The following DVL1 variants were observed in gnomAD, a reference collection of about 807,000 sequenced individuals.
DVL1 encodes the protein segment polarity protein dishevelled homolog DVL-1.
DVL1 carries 49 observed loss-of-function variants against 65.0 expected under a neutral mutation model. That is an observed-to-expected ratio of 0.75 (90% CI 0.60 to 0.96). The LOEUF (loss-of-function observed/expected upper bound fraction) is 0.96. Ranked by LOEUF, DVL1 falls within the 40% of genes least tolerant of loss-of-function variation. The pLI is 0.00. For missense variants in DVL1, 1,197 were observed against 1,045.4 expected, an observed-to-expected ratio of 1.15 and a Z score of -2.00; for synonymous variants, 608 against 433.9, an observed-to-expected ratio of 1.40 and a Z score of -4.99.
chr1:1,336,884 TC>T (rs1643596536), intron 14 of DVL1: 7 of 629,682 alleles, frequency 1.1e-5, no homozygotes, highest in Non-Finnish European at 1.4e-5. Context: ...GGCCCCACTG[TC>T]CCCCCGGCCC....
chr1:1,340,493 A>G lies in DVL1; in HGVS notation c.616T>C (p.Ser206Pro), dbSNP rs750824624. The G allele has an allele frequency of 6.2e-7, 1 of 1,604,978 alleles. No homozygotes were observed. The highest frequency in any genetic ancestry group is 8.5e-7 in the Non-Finnish European group (1 of 1,176,168). Residue 206 changes from serine to proline, a missense_variant, in exon 6 of 15, where the codon TCC becomes CCC. Physicochemically the swap from Ser to Pro is moderately conservative, Grantham distance 74. Coordinates refer to ENST00000378888, the MANE Select transcript of DVL1 (RefSeq NM_001330311.2). ...EDGSTSRLSS[S>P]TEQSTSSRLI... ...CTGGATGAGGTGCTCTGCTCCGTGG[A>G]GCTGCTGAGCCTGGGAACAGACTGT... is the stretch of plus-strand genomic sequence containing the variant.
At chr1:1,337,036 G>T (rs910194860) in intron 14 of DVL1, 4 of 988,838 alleles carry the variant, frequency 4.0e-6, no homozygotes, top group Middle Eastern at 5.1e-4. Context: ...GGTCCGCTCC[G>T]CTAGTCCTTC....
At position 1,346,105 on chromosome 1, in the gene DVL1, C is replaced by T. The variant is rs141960941; in HGVS notation, c.170+2791G>A. The stretch of plus-strand genomic sequence containing the variant: ...CACAGAGAGGCTGAGTCACAGACCC[C>T]AAGTGGCACAGCCAGGGAGGGCGGA... On this transcript the variant is annotated intron_variant, in intron 1 of 14. Coordinates refer to ENST00000378888, the MANE Select transcript of DVL1 (RefSeq NM_001330311.2). Among the ~76,000 whole-genome samples, 15 of 152,288 alleles carry T rather than the reference C, an allele frequency of 9.8e-5. No individual in the cohort carries two copies. In the East Asian group the frequency reaches 2.9e-3, roughly 29 times the overall value.
At chr1:1,339,231 G>A (rs962115022) in intron 11 of DVL1, 56 bp downstream of exon 11, 163 of 1,545,208 alleles carry the variant, frequency 1.1e-4, no homozygotes, top group Non-Finnish European at 1.4e-4. Context: ...GAGGCTGGCA[G>A]AGACGCCCCC....
At chr1:1,337,935 G>A (rs1170884519) in intron 14 of DVL1, 42 bp downstream of exon 14, 2 of 1,533,010 alleles carry the variant, frequency 1.3e-6, no homozygotes, top group Non-Finnish European at 1.8e-6. Flanking sequence ...GGCGGAGCTG[G>A]GGGCGGAGCC....
chr1:1,342,098 C>A lies in DVL1; in HGVS notation c.421G>T (p.Val141Phe). ...MDNETGTESM[V>F]SHRRERARRR... ...CGGGCACGCTCCCGCCGGTGACTGA[C>A]CATGGACTCCGTGCCTGTCTCGTTG... Residue 141 changes from valine to phenylalanine, a missense_variant, in exon 4 of 15, where the codon GTC (valine) becomes TTC (phenylalanine). Coordinates refer to ENST00000378888, the MANE Select transcript of DVL1 (RefSeq NM_001330311.2). 1 of 1,595,748 alleles carries A rather than the reference C, an allele frequency of 6.3e-7. No individual in the cohort carries two copies. Among genetic ancestry groups the A allele is most frequent in the Non-Finnish European group, 8.5e-7 (1 of 1,172,482 alleles).
intron 11 of DVL1, 55 bp from the exon 12 acceptor site, chr1:1,338,708 A>G (rs1201349871): frequency 6.3e-7 from 1 of 1,576,398 alleles, no homozygotes; most frequent in African/African-American, 1.3e-5. Flanking sequence ...CGGGGGACTC[A>G]GGGCCCTGCA....
intron 10 of DVL1, 50 bp from the exon 11 acceptor site, chr1:1,339,489 G>C (rs1161467752): frequency 2.6e-6 from 4 of 1,526,100 alleles, no homozygotes; most frequent in Non-Finnish European, 3.5e-6. Context: ...GACAGGGTGG[G>C]AGGGCAGGGT....
At chr1:1,339,128 G>A (rs1175598618) in intron 11 of DVL1, among the ~76,000 whole-genome samples, 159 bp downstream of exon 11, 3 of 152,238 alleles carry the variant, frequency 2.0e-5, no homozygotes, top group African/African-American at 7.2e-5. Flanking sequence ...CACAAGGTGG[G>A]CACGGGTGCC....
At chr1:1,341,010 G>A (rs966266791) in intron 5 of DVL1, among the ~76,000 whole-genome samples, 1 of 118,292 alleles carries the variant, frequency 8.5e-6, no homozygotes, top group African/African-American at 3.5e-5. Flanking sequence ...ACCTGCACAC[G>A]CACCCCTGCA....
At position 1,340,084 on chromosome 1, in the gene DVL1, G is replaced by A. The variant is rs1643737262; in HGVS notation, c.863C>T (p.Ala288Val). 1.2e-6 allele frequency: 2 copies of A among 1,613,152 alleles called. No homozygotes were observed. The highest frequency in any genetic ancestry group is 1.3e-5 in the African/African-American group (1 of 75,036). Reference sequence around the variant, plus strand: ...CTCGATGCGGCCGTCAGCGGCCACAGCCCCGCCCTTCATGATGGAGCCAAT... The same window carrying A: ...CTCGATGCGGCCGTCAGCGGCCACAACCCCGCCCTTCATGATGGAGCCAAT... ...IYIGSIMKGG[A>V]VAADGRIEPG... Residue 288 changes from alanine (A) to valine (V), a missense_variant, in exon 8 of 15, where the codon GCT becomes GTT. By Grantham distance (64) the Ala-to-Val change is moderately conservative. Transcript: ENST00000378888.
At position 1,335,851 on chromosome 1, in the gene DVL1, G is replaced by A. The variant is rs1342893578; in HGVS notation, c.*291C>T. 3 of 500,314 alleles carry A rather than the reference G, an allele frequency of 6.0e-6. No individual in the cohort carries two copies. The highest frequency in any genetic ancestry group is 7.1e-6 in the Non-Finnish European group (2 of 280,502). 31.0% of individuals were successfully genotyped at this position (500,314 alleles called of 1,614,324 possible). ...TGCAGGAGGTGGGGGTCAGCCGAGA[G>A]CCCGAGGGGGTCTTCCTCATCCCAG... On this transcript the variant is annotated 3_prime_UTR_variant, in exon 15 of 15. Transcript: ENST00000378888.
At chr1:1,347,034 G>C (rs957603802) in intron 1 of DVL1, among the ~76,000 whole-genome samples, 1 of 152,154 alleles carries the variant, frequency 6.6e-6, no homozygotes, top group Non-Finnish European at 1.5e-5. Flanking sequence ...TAATTGATGA[G>C]GGTCCTCCGT....
intron 1 of DVL1, among the ~76,000 whole-genome samples, chr1:1,344,359 C>T (rs1643888106): frequency 6.6e-6 from 1 of 152,190 alleles, no homozygotes; most frequent in African/African-American, 2.4e-5. Context: ...GGTCCCCTGA[C>T]CCCGGGGCAC....
rs371155444 is a variant in DVL1 at position 1,336,223 on chromosome 1, G to A, written c.2007C>T (p.Val669=). 2.6e-6 allele frequency: 4 copies of A among 1,558,852 alleles called. No individual in the cohort carries two copies. Among genetic ancestry groups the A allele is most frequent in the Middle Eastern group, 3.3e-4 (2 of 6,008 alleles). ...GGPPVRELAA[V]PPELTGSRQS... is the part of the protein sequence containing the mutation. ...GGCGGCTGCCTGTCAATTCCGGGGG[G>A]ACGGCAGCCAGCTCCCGGACAGGGG... Residue 669 remains valine (V), a synonymous_variant, in exon 15 of 15, where the codon GTC becomes GTT. Coordinates refer to ENST00000378888, the MANE Select transcript of DVL1 (RefSeq NM_001330311.2).
rs759711244 is a variant in DVL1, at chr1:1,342,775, C to T, written c.171-17G>A. ...TTCACCACCCTGTGGGCATATGCTGCCGTGAGGCCCCACCTGGGGGGCCCA... is the reference window on the plus strand; with the variant it reads ...TTCACCACCCTGTGGGCATATGCTGTCGTGAGGCCCCACCTGGGGGGCCCA... On this transcript the variant is annotated splice_polypyrimidine_tract_variant and intron_variant, in intron 1 of 14. Transcript: ENST00000378888. 6 of 1,611,986 alleles carry T rather than the reference C, an allele frequency of 3.7e-6. No individual in the cohort carries two copies. Among genetic ancestry groups the T allele is most frequent in the African/African-American group, 1.3e-5 (1 of 74,892 alleles).
At chr1:1,339,183 G>A (rs1234455479) in intron 11 of DVL1, 104 bp downstream of exon 11, 16 of 1,444,258 alleles carry the variant, frequency 1.1e-5, no homozygotes, top group African/African-American at 7.0e-5. Flanking sequence ...CAACACACAC[G>A]TGTCACAGCC....
At chr1:1,345,073 AC>A (rs1643897211) in intron 1 of DVL1, among the ~76,000 whole-genome samples, 1 of 151,400 alleles carries the variant, frequency 6.6e-6, no homozygotes, top group Non-Finnish European at 1.5e-5. Context: ...CCAGTACAGC[AC>A]CCGCCTGGCT....
chr1:1,335,730 A>C lies in DVL1; in HGVS notation c.*412T>G. On this transcript the variant is annotated 3_prime_UTR_variant, in exon 15 of 15. Coordinates refer to ENST00000378888, the MANE Select transcript of DVL1 (RefSeq NM_001330311.2). ...CCTCCCCCGAGTCACCGGCCAGGCA[A>C]TAAATAAATAAATTAGATCCCTACT... 7 of 178,358 alleles carry C rather than the reference A, an allele frequency of 3.9e-5. No homozygotes were observed. The highest frequency in any genetic ancestry group is 7.1e-5 in the Non-Finnish European group (6 of 84,256). The allele number at this position is 178,358 out of a possible 1,614,324, so 11.0% of individuals were successfully genotyped here. A position where few individuals can be genotyped will look rare whatever the true frequency, so the allele number is the denominator to read the frequency against.
Sources: allele counts gnomAD v4.1 joint callset (sites outside exome capture counted in the v4.1 genomes callset), GRCh38; gene constraint gnomAD v4.1.1; transcripts MANE v1.5; gene names NCBI Gene and HGNC (gene_info 2026-07-23, HGNC 2026-07-21).